The following EYA1 variants were observed in gnomAD, a reference collection of about 807,000 sequenced individuals.
The protein encoded by EYA1 is EYA transcriptional coactivator and phosphatase 1, also known as protein phosphatase EYA1.
Under a neutral mutation model 82.0 loss-of-function variants are expected in EYA1, and 16 were observed. The ratio of observed to expected loss-of-function variants is 0.20; its 90% CI spans 0.13 to 0.30. The LOEUF is 0.30. EYA1 is among the 10% of genes least tolerant of loss of function. The pLI is 1.00. For synonymous variants in EYA1, 261 were observed against 264.4 expected (o/e 0.99, Z 0.12); for missense variants, 633 against 730.7 (o/e 0.87, Z 1.54).
intron 2 of EYA1, among the ~76,000 whole-genome samples, chr8:71,419,128 A>G (rs148213924): frequency 6.6e-6 from 1 of 152,194 alleles, no homozygotes; most frequent in African/African-American, 2.4e-5. Context: ...GAAATATTGG[A>G]GGGTTTGAGC....
At chr8:71,382,160 T>A (rs1315678469) in intron 2 of EYA1, among the ~76,000 whole-genome samples, 1 of 152,192 alleles carries the variant, frequency 6.6e-6, no homozygotes. Flanking sequence ...AATTACATAA[T>A]ATTTATAAAG....
At chr8:71,266,105 G>C (rs1322349353) in intron 11 of EYA1, among the ~76,000 whole-genome samples, 1 of 152,142 alleles carries the variant, frequency 6.6e-6, no homozygotes, top group African/African-American at 2.4e-5. Flanking sequence ...TCATTGAGTT[G>C]CCTAAGCCAC....
At chr8:71,315,016 T>A (rs1177738632) in intron 7 of EYA1, among the ~76,000 whole-genome samples, 1 of 152,176 alleles carries the variant, frequency 6.6e-6, no homozygotes, top group Non-Finnish European at 1.5e-5. Flanking sequence ...CTGTAATGGC[T>A]GGTTTGTCTT....
At chr8:71,275,445 G>A (rs1362496465) in intron 9 of EYA1, among the ~76,000 whole-genome samples, 6 of 152,260 alleles carry the variant, frequency 3.9e-5, no homozygotes, top group African/African-American at 1.4e-4. Context: ...CCAGTAGGCT[G>A]CTAGACTACT....
chr8:71,329,382 T>C (rs778131654), intron 4 of EYA1, among the ~76,000 whole-genome samples: 4 of 152,222 alleles, frequency 2.6e-5, no homozygotes, highest in Non-Finnish European at 5.9e-5. Context: ...CCCTTGACCC[T>C]GGATCAAGCC....
At chr8:71,507,146 T>C (rs141060918) in intron 2 of EYA1, among the ~76,000 whole-genome samples, 1 of 152,276 alleles carries the variant, frequency 6.6e-6, no homozygotes, top group African/African-American at 2.4e-5. Context: ...CTAACACATA[T>C]AGTTCTTAAA....
intron 7 of EYA1, among the ~76,000 whole-genome samples, chr8:71,307,017 G>A (rs1175791950): frequency 1.3e-5 from 2 of 152,122 alleles, no homozygotes; most frequent in African/African-American, 2.4e-5. Flanking sequence ...CAATCCATGT[G>A]GTAAGTGACT....
intron 2 of EYA1, chr8:71,529,581 T>G (rs1814094563): frequency 6.6e-6 from 1 of 152,146 alleles, no homozygotes. Flanking sequence ...AATAGCCAAC[T>G]ATTGGGTGGT....
intron 1 of EYA1, among the ~76,000 whole-genome samples, chr8:71,359,555 A>T (rs1339474392): frequency 1.3e-5 from 2 of 152,168 alleles, no homozygotes; most frequent in Non-Finnish European, 2.9e-5. Flanking sequence ...CTGACAGAAG[A>T]TCATGCATGA....
intron 2 of EYA1, among the ~76,000 whole-genome samples, chr8:71,449,719 G>T (rs1182020324): frequency 2.0e-5 from 3 of 152,180 alleles, no homozygotes; most frequent in African/African-American, 7.2e-5. Context: ...TTGAAGCTTT[G>T]AAACCAGGCA....
intron 2 of EYA1, among the ~76,000 whole-genome samples, chr8:71,479,531 A>G (rs1809952134): frequency 6.6e-6 from 1 of 151,184 alleles, no homozygotes; most frequent in African/African-American, 2.4e-5. Flanking sequence ...ATTGCACACT[A>G]CTGTCTCTCC....
intron 9 of EYA1, among the ~76,000 whole-genome samples, chr8:71,275,188 C>G (rs1298910882): frequency 6.6e-6 from 1 of 152,076 alleles, no homozygotes; most frequent in East Asian, 1.9e-4. Context: ...GATGGTGATG[C>G]AGGTGCCGGG....
At chr8:71,445,082 AT>A (rs1806770518) in intron 2 of EYA1, among the ~76,000 whole-genome samples, 1 of 152,096 alleles carries the variant, frequency 6.6e-6, no homozygotes, top group Non-Finnish European at 1.5e-5. Flanking sequence ...TACCTTTTGT[AT>A]TGCTTTATGT....
At chr8:71,508,220 C>A (rs904019083) in intron 2 of EYA1, among the ~76,000 whole-genome samples, 2 of 152,164 alleles carry the variant, frequency 1.3e-5, no homozygotes, top group Non-Finnish European at 2.9e-5. Flanking sequence ...GGTCTTCAGT[C>A]ATACTATGTA....
chr8:71,547,900 C>A (rs576090246), exon 1 of EYA1: 2 of 152,084 alleles, frequency 1.3e-5, no homozygotes, highest in East Asian at 1.9e-4. Context: ...GCTGAGGAAC[C>A]GGTTCTTCCA....
intron 2 of EYA1, among the ~76,000 whole-genome samples, chr8:71,468,751 A>G (rs115912062): frequency 0.018 from 2,696 of 152,110 alleles, 54 homozygotes; most frequent in African/African-American, 0.062. Context: ...CACCATGACA[A>G]CTTTCCCTAC....
intron 10 of EYA1, among the ~76,000 whole-genome samples, chr8:71,271,108 T>A (rs1816478369): frequency 6.6e-6 from 1 of 152,212 alleles, no homozygotes; most frequent in Non-Finnish European, 1.5e-5. Context: ...AGACTCCATC[T>A]TCAAAACAAC....
chr8:71,379,939 T>G (rs765360887), intron 2 of EYA1, among the ~76,000 whole-genome samples: 5 of 152,202 alleles, frequency 3.3e-5, no homozygotes, highest in Non-Finnish European at 5.9e-5. Context: ...GTCCTCACTC[T>G]ATAAAAAGAG....
intron 2 of EYA1, among the ~76,000 whole-genome samples, chr8:71,516,399 G>T (rs1309687336): frequency 3.9e-5 from 6 of 152,100 alleles, no homozygotes; most frequent in African/African-American, 1.2e-4. Context: ...AGGACAACTA[G>T]TTGGAGTTAC....
Sources: allele counts gnomAD v4.1 joint callset (sites outside exome capture counted in the v4.1 genomes callset), GRCh38; gene constraint gnomAD v4.1.1; transcripts MANE v1.5; gene names NCBI Gene and HGNC (gene_info 2026-07-23, HGNC 2026-07-21).